The following TRPS1 variants were observed in gnomAD, a reference collection of about 807,000 sequenced individuals.
The protein encoded by TRPS1 is transcriptional repressor GATA binding 1.
Under a neutral mutation model 101.2 loss-of-function variants are expected in TRPS1, and 6 were observed. The observed-to-expected ratio is 0.06, with a 90% CI of 0.03 to 0.12. The LOEUF is 0.12. Among genes scored for constraint, TRPS1 ranks in the 10% least tolerant of loss-of-function variants. The pLI is 1.00. For synonymous variants in TRPS1, 578 were observed against 589.8 expected (o/e 0.98, Z 0.29); for missense variants, 1,363 against 1,567.0 (o/e 0.87, Z 2.20).
chr8:115,555,066 T>C (rs921854022), intron 5 of TRPS1, among the ~76,000 whole-genome samples: 8 of 152,176 alleles, frequency 5.3e-5, no homozygotes, highest in African/African-American at 1.4e-4. Context: ...CTGTGGGAGC[T>C]ACATTCCCCA....
intron 1 of TRPS1, among the ~76,000 whole-genome samples, chr8:115,661,283 G>T (rs924219065): frequency 6.6e-6 from 1 of 151,974 alleles, no homozygotes; most frequent in African/African-American, 2.4e-5. Flanking sequence ...ACTTCATAAT[G>T]TAGGTCATGT....
At chr8:115,473,603 A>G (rs1377111445) in intron 5 of TRPS1, among the ~76,000 whole-genome samples, 4 of 152,216 alleles carry the variant, frequency 2.6e-5, no homozygotes, top group African/African-American at 9.6e-5. Flanking sequence ...GGAAGAAGAA[A>G]CAAAAAGCAA....
chr8:115,474,641 A>C (rs188431388), intron 5 of TRPS1, among the ~76,000 whole-genome samples: 7 of 152,252 alleles, frequency 4.6e-5, no homozygotes, highest in Admixed American at 3.9e-4. Context: ...ATTATGTTCA[A>C]TGGTGTTGCA....
chr8:115,431,309 T>C (rs972139670), intron 5 of TRPS1, among the ~76,000 whole-genome samples: 2 of 152,098 alleles, frequency 1.3e-5, no homozygotes, highest in Admixed American at 6.6e-5. Flanking sequence ...TCAATATCTA[T>C]GTTAATGTGC....
At chr8:115,482,811 G>C (rs1035719389) in intron 5 of TRPS1, among the ~76,000 whole-genome samples, 1 of 152,086 alleles carries the variant, frequency 6.6e-6, no homozygotes, top group African/African-American at 2.4e-5. Flanking sequence ...CATATCCTGT[G>C]GGCATTTTAG....
At chr8:115,512,190 AT>A (rs1259988179) in intron 5 of TRPS1, among the ~76,000 whole-genome samples, 3 of 151,784 alleles carry the variant, frequency 2.0e-5, no homozygotes, top group African/African-American at 7.2e-5. Context: ...CATGAGGACA[AT>A]TTTTTAAAAG....
chr8:115,584,617 C>CA (rs1488893721), intron 5 of TRPS1, among the ~76,000 whole-genome samples: 3 of 149,308 alleles, frequency 2.0e-5, no homozygotes, highest in African/African-American at 4.9e-5. Flanking sequence ...AACATGACCT[C>CA]AAAATTCTGC....
At chr8:115,653,354 G>GA (rs954084066) in intron 1 of TRPS1, among the ~76,000 whole-genome samples, 1 of 151,954 alleles carries the variant, frequency 6.6e-6, no homozygotes, top group Non-Finnish European at 1.5e-5. Context: ...GGACAAGGAG[G>GA]AAAAAAACAG....
In TRPS1 at chr8:115,668,947, T is replaced by C. The variant is rs1377369886; in HGVS notation, c.-524A>G. 6.6e-6 allele frequency: 1 copy of C among 152,052 alleles called. No individual in the cohort carries two copies. Among genetic ancestry groups the C allele is most frequent in the East Asian group, 1.9e-4 (1 of 5,162 alleles). 9.4% of individuals were successfully genotyped at this position (152,052 alleles called of 1,614,324 possible). On this transcript the variant is annotated 5_prime_UTR_variant, in exon 1 of 7. Coordinates refer to ENST00000395715, the MANE Select transcript of TRPS1 (RefSeq NM_014112.5). Reference sequence around the variant, plus strand: ...GGGTCTTTATCAGAAATGTTATCGCTTGTCAGGACCTCAGTCTCCGCGCAT... The same window carrying C: ...GGGTCTTTATCAGAAATGTTATCGCCTGTCAGGACCTCAGTCTCCGCGCAT...
At chr8:115,656,700 A>T (rs1023629891) in intron 1 of TRPS1, among the ~76,000 whole-genome samples, 5 of 152,130 alleles carry the variant, frequency 3.3e-5, no homozygotes, top group Admixed American at 6.6e-5. Context: ...ACTCCTTAGA[A>T]ATGACCAAAA....
chr8:115,530,164 CTT>C lies in TRPS1; in HGVS notation c.2700+56835_2700+56836del, dbSNP rs551446864. On this transcript the variant is annotated intron_variant, in intron 5 of 6. Coordinates refer to ENST00000395715, the MANE Select transcript of TRPS1 (RefSeq NM_014112.5). ...GTGTCATTATTCTTTGAAGGCCTGA[CTT>C]TTAATGTCATGATAATATTCCATAA... Among the ~76,000 whole-genome samples the C allele has an allele frequency of 7.9e-5, 12 of 152,240 alleles. 1 individual carries two copies. The South Asian group carries it at 2.5e-3, about 32-fold the overall frequency.
intron 5 of TRPS1, among the ~76,000 whole-genome samples, chr8:115,584,802 T>G (rs780535163): frequency 6.6e-6 from 1 of 152,072 alleles, no homozygotes; most frequent in Non-Finnish European, 1.5e-5. Flanking sequence ...ATCTAAGATA[T>G]GTACACATTG....
At chr8:115,484,392 A>G (rs534780659) in intron 5 of TRPS1, among the ~76,000 whole-genome samples, 1 of 152,274 alleles carries the variant, frequency 6.6e-6, no homozygotes, top group African/African-American at 2.4e-5. Context: ...TCCAAATTTT[A>G]TCTGAGAGAG....
At chr8:115,444,244 A>G (rs1276974533) in intron 5 of TRPS1, among the ~76,000 whole-genome samples, 4 of 151,666 alleles carry the variant, frequency 2.6e-5, no homozygotes, top group African/African-American at 9.7e-5. Flanking sequence ...GTGCTCTGAT[A>G]AGGAATGTGA....
intron 5 of TRPS1, among the ~76,000 whole-genome samples, chr8:115,482,407 T>A (rs1225789770): frequency 1.4e-5 from 2 of 145,608 alleles, no homozygotes; most frequent in Non-Finnish European, 3.0e-5. Context: ...GTAAATTAAT[T>A]TTTTTTTACA....
chr8:115,533,862 G>A (rs1032132882), intron 5 of TRPS1, among the ~76,000 whole-genome samples: 2 of 152,122 alleles, frequency 1.3e-5, no homozygotes, highest in Non-Finnish European at 2.9e-5. Context: ...GTGTGTGGGA[G>A]AGTCAGAGAT....
chr8:115,426,387 T>C (rs146712751), intron 5 of TRPS1, among the ~76,000 whole-genome samples: 6 of 152,132 alleles, frequency 3.9e-5, no homozygotes, highest in African/African-American at 1.2e-4. Flanking sequence ...AAGACCTTTC[T>C]AGAAAAGTCC....
In TRPS1 at chr8:115,587,435, C is replaced by T; in HGVS notation, c.2266G>A (p.Asp756Asn). ...ISTIKEEPKI[D>N]FRVYNLLTPD... is the part of the protein sequence containing the mutation. ...GTTAGCAGATTGTAGACCCTGAAGTCAATTTTGGGCTCCTCTTTGATGGTG... is the reference window on the plus strand; with the variant it reads ...GTTAGCAGATTGTAGACCCTGAAGTTAATTTTGGGCTCCTCTTTGATGGTG... Residue 756 changes from aspartate (D) to asparagine (N), a missense_variant, in exon 5 of 7, where the codon GAC becomes AAC. Asp to Asn is a conservative substitution (Grantham distance 23). This residue lies in a region of TRPS1 where 1,020 missense variants were observed against 1,073.0 expected (regional missense o/e 0.95). Coordinates refer to ENST00000395715, the MANE Select transcript of TRPS1 (RefSeq NM_014112.5). 1 of 1,614,160 alleles carries T rather than the reference C, an allele frequency of 6.2e-7. No individual in the cohort carries two copies. The highest frequency in any genetic ancestry group is 1.1e-5 in the South Asian group (1 of 91,080).
At chr8:115,478,965 G>GTATATATGTA (rs1229373542) in intron 5 of TRPS1, among the ~76,000 whole-genome samples, 29 of 148,772 alleles carry the variant, frequency 1.9e-4, no homozygotes, top group African/African-American at 6.4e-4. Flanking sequence ...GTATATATGT[G>GTATATATGTA]TATATATGTA....
Sources: allele counts gnomAD v4.1 joint callset (sites outside exome capture counted in the v4.1 genomes callset), GRCh38; gene constraint gnomAD v4.1.1; regional missense constraint gnomAD v4.1.1; transcripts MANE v1.5; gene names NCBI Gene and HGNC (gene_info 2026-07-23, HGNC 2026-07-21).